SCN1B: variants seen among roughly 807,000 people sequenced by gnomAD.
The protein encoded by SCN1B is sodium voltage-gated channel beta subunit 1.
A neutral mutation model predicts 25.7 loss-of-function variants in SCN1B; 11 were observed. That is an observed-to-expected ratio of 0.43 (90% CI 0.27 to 0.71). SCN1B has a LOEUF of 0.71. SCN1B is among the 30% of genes least tolerant of loss of function. The pLI, the probability that SCN1B is intolerant of heterozygous loss-of-function variation, is 0.21. For synonymous variants in SCN1B, 119 were observed against 117.5 expected, an observed-to-expected ratio of 1.01 and a Z score of -0.08; for missense variants, 224 against 291.5, an observed-to-expected ratio of 0.77 and a Z score of 1.69.
In SCN1B at chr19:35,039,918, C is replaced by A; in HGVS notation, c.*127C>A. The A allele has an allele frequency of 3.3e-6, 2 of 598,830 alleles. No homozygotes were observed. The highest frequency in any genetic ancestry group is 5.6e-5 in the East Asian group (2 of 35,594). The allele number at this position is 598,830 out of a possible 1,614,324, so 37.1% of individuals were successfully genotyped here. ...AAGCCTCAGAGTCCTGCCGACGGAG[C>A]CACTGGGGTGGGAGGGGGCAGGGGG... On this transcript the variant is annotated 3_prime_UTR_variant, in exon 6 of 6. Coordinates refer to ENST00000262631, the MANE Select transcript of SCN1B (RefSeq NM_001037.5).
intron 4 of SCN1B, 159 bp from the exon 5 acceptor site, chr19:35,039,476 G>C (rs2064270975): frequency 1.0e-6 from 1 of 984,180 alleles, no homozygotes; most frequent in East Asian, 2.6e-5. Context: ...CTCCCAGCCA[G>C]ATTCCTCAAA....
rs140949982 is a variant in SCN1B, at chr19:35,033,558, C to T, written c.267C>T (p.Arg89=). 4.2e-4 allele frequency: 678 copies of T among 1,614,046 alleles called. 2 individuals are homozygous for T. The African/African-American group carries it at 8.3e-3, about 20-fold the overall frequency. ...AGGAGGATGAGCGCTTCGAGGGCCG[C>T]GTGGTGTGGAATGGCAGCCGGGGCA... ...QLEEDERFEG[R]VVWNGSRGTK... is the part of the protein sequence containing the mutation. The change falls in exon 3 of 6, where the codon CGC becomes CGT. Residue 89 remains arginine (R), a synonymous_variant. Transcript: ENST00000262631.
rs147073518 is a variant in SCN1B, at chr19:35,032,637, C to T, written c.150C>T (p.Asn50=). The change falls in exon 2 of 6, where the codon AAC becomes AAT. Residue 50 remains asparagine, a synonymous_variant. Transcript: ENST00000262631. The surrounding 1 kb of genome is among the most constrained non-coding windows in gnomAD (Gnocchi z 4.3). ...CCTGCAAGCGCCGCAGCGAGACCAA[C>T]GCTGAGACCTTCACCGAGTGGACCT... The part of the protein sequence containing the change: ...CISCKRRSET[N]AETFTEWTFR... 22 of 1,614,040 alleles carry T rather than the reference C, an allele frequency of 1.4e-5. No homozygotes were observed. Among genetic ancestry groups the T allele is most frequent in the South Asian group, 3.3e-5 (3 of 91,086 alleles).
chr19:35,039,857 C>A lies in SCN1B; in HGVS notation c.*66C>A, dbSNP rs1371541566. 3.8e-6 allele frequency: 3 copies of A among 785,252 alleles called. No homozygotes were observed. The highest frequency in any genetic ancestry group is 6.2e-6 in the Non-Finnish European group (3 of 485,076). 48.6% of individuals were successfully genotyped at this position (785,252 alleles called of 1,614,324 possible). Reference sequence around the variant, plus strand: ...ATGGGGACTCTCCAGGCACCGCCTGCCCCCAGCGTGGGGGTGGCCACTCCT... The same window carrying A: ...ATGGGGACTCTCCAGGCACCGCCTGACCCCAGCGTGGGGGTGGCCACTCCT... On this transcript the variant is annotated 3_prime_UTR_variant, in exon 6 of 6. Coordinates refer to ENST00000262631, the MANE Select transcript of SCN1B (RefSeq NM_001037.5).
Position 35,039,674 on chromosome 19 carries a change from C to CT in SCN1B, c.631dup (p.Cys211LeufsTer23). On this transcript the variant is annotated frameshift_variant, in exon 5 of 6. Transcript: ENST00000262631. LOFTEE classifies it high-confidence loss of function. ...CCATCACCTCTGAAAGCAAAGAGAA[C>CT]TGCACGGGCGTCCAGGTGGCCGAAT... The CT allele has an allele frequency of 6.2e-7, 1 of 1,614,224 alleles. No individual in the cohort carries two copies. The highest frequency in any genetic ancestry group is 1.1e-5 in the South Asian group (1 of 91,092).
chr19:35,039,053 T>G, intron 3 of SCN1B, 64 bp from the exon 4 acceptor site: 1 of 1,599,182 alleles, frequency 6.3e-7, no homozygotes, highest in South Asian at 1.1e-5. Flanking sequence ...CACAGCAAGC[T>G]CACAGCACAC....
intron 4 of SCN1B, 179 bp downstream of exon 4, chr19:35,039,437 C>A: frequency 9.8e-7 from 1 of 1,015,612 alleles, no homozygotes; most frequent in Non-Finnish European, 1.5e-6. Flanking sequence ...AGACCCAGCC[C>A]CTTCCTCCCT....
chr19:35,033,581 G>A lies in SCN1B; in HGVS notation c.290G>A (p.Gly97Asp), dbSNP rs2064228310. Residue 97 changes from glycine (G) to aspartate (D), a missense_variant, in exon 3 of 6, where the codon GGC becomes GAC. Coordinates refer to ENST00000262631, the MANE Select transcript of SCN1B (RefSeq NM_001037.5). ...EGRVVWNGSRGTKDLQDLSIF... is the reference protein window; with the variant it reads ...EGRVVWNGSRDTKDLQDLSIF... Reference sequence around the variant, plus strand: ...CGCGTGGTGTGGAATGGCAGCCGGGGCACCAAAGACCTGCAGGATCTGTCT... The same window carrying A: ...CGCGTGGTGTGGAATGGCAGCCGGGACACCAAAGACCTGCAGGATCTGTCT... 1 of 1,614,034 alleles carries A rather than the reference G, an allele frequency of 6.2e-7. No individual in the cohort carries two copies. The highest frequency in any genetic ancestry group is 8.5e-7 in the Non-Finnish European group (1 of 1,179,948).
At chr19:35,036,370 T>A (rs918704252) in intron 3 of SCN1B, 1 of 152,178 alleles carries the variant, frequency 6.6e-6, no homozygotes, top group African/African-American at 2.4e-5. Flanking sequence ...CTCATTGTGC[T>A]ATTGTATTTT....
In SCN1B at chr19:35,033,499, A is replaced by G; in HGVS notation, c.208A>G (p.Ile70Val). 1 of 1,613,742 alleles carries G rather than the reference A, an allele frequency of 6.2e-7. No homozygotes were observed. The highest frequency in any genetic ancestry group is 8.5e-7 in the Non-Finnish European group (1 of 1,179,912). Residue 70 changes from isoleucine to valine, a missense_variant and splice_region_variant, in exon 3 of 6, where the codon ATC becomes GTC. Physicochemically the swap from Ile to Val is conservative, Grantham distance 29. This residue lies in a region of SCN1B where 126 missense variants were observed against 204.9 expected (regional missense o/e 0.61). Transcript: ENST00000262631. ...RQKGTEEFVK[I>V]LRYENEVLQL... is the part of the protein sequence containing the mutation. ...CCTTCCCCTCCCTGGCTACCCCTAG[A>G]TCCTGCGCTATGAGAATGAGGTGTT...
chr19:35,031,719 G>A (rs2064215248), intron 1 of SCN1B: 1 of 152,926 alleles, frequency 6.5e-6, no homozygotes, highest in Non-Finnish European at 1.5e-5. Context: ...ACAGCACAGG[G>A]CTGCAGCAGA....
chr19:35,031,088 C>G (rs957816246), intron 1 of SCN1B, among the ~76,000 whole-genome samples: 4 of 149,416 alleles, frequency 2.7e-5, no homozygotes, highest in African/African-American at 9.9e-5. Flanking sequence ...CACAGCCTGG[C>G]GGCTGCAGGC....
Position 35,032,826 on chromosome 19 carries a change from C to A in SCN1B, c.207+132C>A. 8.9e-7 allele frequency: 1 copy of A among 1,129,726 alleles called. No homozygotes were observed. The highest frequency in any genetic ancestry group is 1.3e-6 in the Non-Finnish European group (1 of 781,364). The allele number at this position is 1,129,726 out of a possible 1,614,324, so 70.0% of individuals were successfully genotyped here. A position where few individuals can be genotyped will look rare whatever the true frequency, so the allele number is the denominator to read the frequency against. Reference sequence around the variant, plus strand: ...TTGCTGACCTGGATTCAGATTCTGGCTCCACCAGTGGCCAGCTGGTGACCT... The same window carrying A: ...TTGCTGACCTGGATTCAGATTCTGGATCCACCAGTGGCCAGCTGGTGACCT... On this transcript the variant is annotated intron_variant, in intron 2 of 5. Transcript: ENST00000262631. The surrounding 1 kb of genome is among the most constrained non-coding windows in gnomAD (Gnocchi z 4.3).
rs1325231808 is a variant in SCN1B at position 35,030,769 on chromosome 19, C to T, written c.-52C>T. 2.9e-5 allele frequency: 20 copies of T among 699,942 alleles called. 1 individual carries two copies. The South Asian group carries it at 3.5e-4, about 12-fold the overall frequency. 43.4% of individuals were successfully genotyped at this position (699,942 alleles called of 1,614,324 possible). On this transcript the variant is annotated 5_prime_UTR_variant, in exon 1 of 6. Coordinates refer to ENST00000262631, the MANE Select transcript of SCN1B (RefSeq NM_001037.5). The stretch of plus-strand genomic sequence containing the variant: ...CGCCAGGTCCCGCCGCCTCTCGCCC[C>T]GCTATTAATACCGGCGGCCCGGGAG...
chr19:35,032,147 A>G lies in SCN1B; in HGVS notation c.41-381A>G, dbSNP rs1012170272. ...AACTTCTAACTTAGCTGGAATTCTC[A>G]TTCTACCACCTAGATGCTTGGGTTC... On this transcript the variant is annotated intron_variant, in intron 1 of 5. Coordinates refer to ENST00000262631, the MANE Select transcript of SCN1B (RefSeq NM_001037.5). This position sits in a 1 kb window ranked among gnomAD's most constrained non-coding sequence, Gnocchi z 4.3. 1.3e-5 allele frequency among the ~76,000 whole-genome samples: 2 copies of G among 152,166 alleles called. No individual in the cohort carries two copies. The highest frequency in any genetic ancestry group is 4.8e-5 in the African/African-American group (2 of 41,434).
intron 3 of SCN1B, chr19:35,034,947 G>A (rs1337213815): frequency 1.3e-5 from 2 of 152,126 alleles, no homozygotes; most frequent in African/African-American, 2.4e-5. Context: ...GCATTTTTAC[G>A]TTTATTGTCA....
intron 1 of SCN1B, among the ~76,000 whole-genome samples, chr19:35,031,965 G>A (rs1448889539): frequency 6.6e-6 from 1 of 152,178 alleles, no homozygotes; most frequent in Admixed American, 6.5e-5. Flanking sequence ...GGCTCACACA[G>A]GGGCTTGTGG....
intron 1 of SCN1B, among the ~76,000 whole-genome samples, chr19:35,031,099 G>C (rs921403281): frequency 1.3e-5 from 2 of 151,222 alleles, no homozygotes; most frequent in Non-Finnish European, 2.9e-5. Flanking sequence ...GGCTGCAGGC[G>C]CCCAGCCGGG....
Position 35,033,575 on chromosome 19 carries a change from G to C in SCN1B, c.284G>C (p.Ser95Thr), listed in dbSNP as rs1173359846. The C allele has an allele frequency of 6.2e-7, 1 of 1,614,096 alleles. No individual in the cohort carries two copies. The highest frequency in any genetic ancestry group is 8.5e-7 in the Non-Finnish European group (1 of 1,179,964). The stretch of plus-strand genomic sequence containing the variant: ...GAGGGCCGCGTGGTGTGGAATGGCA[G>C]CCGGGGCACCAAAGACCTGCAGGAT... ...RFEGRVVWNGSRGTKDLQDLS... is the reference protein window; with the variant it reads ...RFEGRVVWNGTRGTKDLQDLS... The change falls in exon 3 of 6, where the codon AGC becomes ACC. Residue 95 changes from serine to threonine, a missense_variant. This residue lies in a region of SCN1B where 126 missense variants were observed against 204.9 expected (regional missense o/e 0.61). Transcript: ENST00000262631.
Sources: gnomAD v4.1 joint callset for allele counts (sites outside exome capture counted in the v4.1 genomes callset) on GRCh38, gnomAD v4.1.1 for gene constraint, gnomAD v4.1.1 regional missense constraint, Gnocchi (gnomAD v3.1) non-coding constraint, MANE v1.5 for transcripts, NCBI Gene and HGNC (gene_info 2026-07-23, HGNC 2026-07-21) for gene names.